The following DNAH10 variants were observed in gnomAD, a reference collection of about 807,000 sequenced individuals.
DNAH10 encodes the protein dynein axonemal heavy chain 10.
A neutral mutation model predicts 506.6 loss-of-function variants in DNAH10; 348 were observed. The observed-to-expected ratio is 0.69, with a 90% CI of 0.63 to 0.75. DNAH10 has a LOEUF of 0.75. Among genes scored for constraint, DNAH10 ranks in the 30% least tolerant of loss-of-function variants. DNAH10 has a pLI of 0.00. For synonymous variants in DNAH10, 2,059 were observed against 2,198.6 expected (o/e 0.94, Z 1.78); for missense variants, 5,179 against 5,787.1 (o/e 0.89, Z 3.41).
At position 123,898,884 on chromosome 12, in the gene DNAH10, G is replaced by GGCCA. The variant is rs1166253359; in HGVS notation, c.9640+72_9640+75dup. 21 of 1,490,446 alleles carry GGCCA rather than the reference G, an allele frequency of 1.4e-5. No homozygotes were observed. In the East Asian group the frequency reaches 1.5e-4, roughly 10 times the overall value. The allele number at this position is 1,490,446 out of a possible 1,614,324, so 92.3% of individuals were successfully genotyped here. A position where few individuals can be genotyped will look rare whatever the true frequency, so the allele number is the denominator to read the frequency against. On this transcript the variant is annotated intron_variant, in intron 56 of 78. Transcript: ENST00000673944. ...ACCCACCGTAGGTGAGTGAGGGCGG[G>GGCCA]GCCAGGGCAGCCCATCCCGAGCAGG...
rs2137649190 is a variant in DNAH10 at position 123,926,549 on chromosome 12, CGGA to C, written c.11922-82_11922-80del. On this transcript the variant is annotated intron_variant, in intron 68 of 78. Transcript: ENST00000673944. The surrounding 1 kb of genome is among the most constrained non-coding windows in gnomAD (Gnocchi z 4.1). ...GGAGTGGTCAGAAGGTTCTGGACAC[CGGA>C]GGAGGCAGCGCTGATCAGACAGACC... The C allele has an allele frequency of 7.1e-7, 1 of 1,411,724 alleles. No homozygotes were observed. Among genetic ancestry groups the C allele is most frequent in the Non-Finnish European group, 9.6e-7 (1 of 1,043,486 alleles). The allele number at this position is 1,411,724 out of a possible 1,614,324, so 87.4% of individuals were successfully genotyped here.
chr12:123,820,588 CT>C lies in DNAH10; in HGVS notation c.4013del (p.Leu1338Ter). ...VGDDLDKGVE[L>X]LGVYERELAR... ...GTGTATTTATTTACTAGGAGTAGAG[CT>C]TTTAGGTGTTTATGAAAGAGAGCTG... On this transcript the variant is annotated frameshift_variant, in exon 24 of 79. Coordinates refer to ENST00000673944, the MANE Select transcript of DNAH10 (RefSeq NM_001372106.1). LOFTEE classifies it high-confidence loss of function. 5 of 1,613,638 alleles carry C rather than the reference CT, an allele frequency of 3.1e-6. No individual in the cohort carries two copies. The highest frequency in any genetic ancestry group is 4.2e-6 in the Non-Finnish European group (5 of 1,179,824).
chr12:123,928,851 T>G lies in DNAH10; in HGVS notation c.12306+264T>G. 2.1e-6 allele frequency: 1 copy of G among 482,642 alleles called. No homozygotes were observed. The allele number at this position is 482,642 out of a possible 1,614,324, so 29.9% of individuals were successfully genotyped here. ...ATATCTACGCTACTTTTCATAAACT[T>G]CACGGCCCCCCCCCCCACACACAGC... On this transcript the variant is annotated intron_variant, in intron 70 of 78. Coordinates refer to ENST00000673944, the MANE Select transcript of DNAH10 (RefSeq NM_001372106.1). The surrounding 1 kb of genome is among the most constrained non-coding windows in gnomAD (Gnocchi z 4.9).
chr12:123,829,411 G>T (rs1034663476), intron 25 of DNAH10, among the ~76,000 whole-genome samples: 1 of 152,196 alleles, frequency 6.6e-6, no homozygotes, highest in African/African-American at 2.4e-5. Flanking sequence ...CTGGACAGAG[G>T]AGTTGGTTCA....
chr12:123,861,475 G>A (rs961941526), intron 39 of DNAH10, among the ~76,000 whole-genome samples: 3 of 152,246 alleles, frequency 2.0e-5, no homozygotes, highest in African/African-American at 7.2e-5. Context: ...GCCCTGATCT[G>A]TGTGACTCTA....
rs775480702 is a variant in DNAH10, at chr12:123,813,255, A to T, written c.3236A>T (p.Asp1079Val). The T allele has an allele frequency of 9.9e-6, 16 of 1,614,086 alleles. No individual in the cohort carries two copies. Among genetic ancestry groups the T allele is most frequent in the South Asian group, 2.2e-5 (2 of 91,088 alleles). Reference sequence around the variant, plus strand: ...GTTGTTATAATAAACTTTTACAATGATATCTCTCTGAACCCTCAGATAATT... The same window carrying T: ...GTTGTTATAATAAACTTTTACAATGTTATCTCTCTGAACCCTCAGATAATT... The part of the protein sequence containing the change: ...EEVVIINFYN[D>V]ISLNPQIIEQ... Residue 1079 changes from aspartate (D) to valine (V), a missense_variant, in exon 20 of 79, where the codon GAT becomes GTT. Asp to Val is a radical substitution (Grantham distance 152). Coordinates refer to ENST00000673944, the MANE Select transcript of DNAH10 (RefSeq NM_001372106.1).
At chr12:123,924,472 A>G in intron 67 of DNAH10, 40 bp downstream of exon 67, 1 of 1,599,420 alleles carries the variant, frequency 6.3e-7, no homozygotes. Context: ...CCTTCCCCAC[A>G]TGTCAACAAT....
At chr12:123,847,179 C>T (rs1034063994) in intron 32 of DNAH10, among the ~76,000 whole-genome samples, 3 of 145,326 alleles carry the variant, frequency 2.1e-5, no homozygotes, top group African/African-American at 8.3e-5. Flanking sequence ...TCCATCCATC[C>T]ATCCATCCAT....
intron 45 of DNAH10, 93 bp downstream of exon 45, chr12:123,871,695 T>G: frequency 1.4e-6 from 2 of 1,424,852 alleles, no homozygotes; most frequent in Non-Finnish European, 1.9e-6. Flanking sequence ...GATCTCACAG[T>G]TTCCGTGGGT....
chr12:123,863,469 C>T (rs565511473), intron 39 of DNAH10, among the ~76,000 whole-genome samples: 40 of 152,326 alleles, frequency 2.6e-4, no homozygotes, highest in African/African-American at 9.6e-4. Context: ...TCTCATAGTT[C>T]TGGAGGCCAA....
intron 35 of DNAH10, among the ~76,000 whole-genome samples, chr12:123,852,426 A>T (rs548769708): frequency 6.6e-5 from 10 of 152,280 alleles, no homozygotes; most frequent in African/African-American, 2.4e-4. Context: ...CTTGGTGCCT[A>T]TTACCGTGTC....
chr12:123,835,874 A>G (rs1225181222), intron 28 of DNAH10, among the ~76,000 whole-genome samples: 1 of 152,076 alleles, frequency 6.6e-6, no homozygotes, highest in Non-Finnish European at 1.5e-5. Flanking sequence ...ACTCTCCCAC[A>G]TTGGCCTCCC....
At chr12:123,862,743 G>C (rs1352494823) in intron 39 of DNAH10, among the ~76,000 whole-genome samples, 2 of 152,096 alleles carry the variant, frequency 1.3e-5, no homozygotes, top group African/African-American at 2.4e-5. Context: ...GGGACAACTG[G>C]TGAAATTTGA....
chr12:123,824,796 T>TTATACGGACA (rs780933493), intron 24 of DNAH10, among the ~76,000 whole-genome samples: 40 of 152,246 alleles, frequency 2.6e-4, no homozygotes, highest in Non-Finnish European at 5.4e-4. Context: ...TTTTCTCTTC[T>TTATACGGACA]TATACGGACA....
In DNAH10 at chr12:123,935,335, A is replaced by G; in HGVS notation, c.13624A>G (p.Asn4542Asp). 1 of 1,598,824 alleles carries G rather than the reference A, an allele frequency of 6.3e-7. No homozygotes were observed. The change falls in exon 79 of 79, where the codon AAT becomes GAT. Residue 4542 changes from asparagine to aspartate, a missense_variant and splice_region_variant. This residue lies in a region of DNAH10 where 4,844 missense variants were observed against 5,430.5 expected (regional missense o/e 0.89). Transcript: ENST00000673944. ...CATCTCACCTGCCTTTCCCTTGCAG[A>G]ATACTTTCCGGACCCCCGTCTACAC... is the stretch of plus-strand genomic sequence containing the variant. The part of the protein sequence containing the change: ...PIEAHRLKLQ[N>D]TFRTPVYTTS...
At chr12:123,775,429 A>C (rs1196432776) in intron 5 of DNAH10, among the ~76,000 whole-genome samples, 1 of 152,198 alleles carries the variant, frequency 6.6e-6, no homozygotes, top group Admixed American at 6.5e-5. Context: ...AGACCAAAAA[A>C]ATGAAAAACT....
In DNAH10 at chr12:123,917,063, C is replaced by G. The variant is rs990698414; in HGVS notation, c.11002+327C>G. ...TGTTGTGATGTTGAATTTTTTTTTT[C>G]TTCCTCTCAGTTGAATTCTGATAGA... On this transcript the variant is annotated intron_variant, in intron 63 of 78. Transcript: ENST00000673944. The surrounding 1 kb of genome is among the most constrained non-coding windows in gnomAD (Gnocchi z 5.6). Among the ~76,000 whole-genome samples, 1 of 151,482 alleles carries G rather than the reference C, an allele frequency of 6.6e-6. No individual in the cohort carries two copies. The highest frequency in any genetic ancestry group is 2.4e-5 in the African/African-American group (1 of 41,268).
At chr12:123,765,060 G>A (rs902073635) in intron 1 of DNAH10, among the ~76,000 whole-genome samples, 8 of 151,946 alleles carry the variant, frequency 5.3e-5, no homozygotes, top group East Asian at 1.9e-4. Context: ...AGAGCCCAGC[G>A]TGTCCTTTGT....
At chr12:123,808,999 A>G (rs1958823604) in intron 19 of DNAH10, 46 bp downstream of exon 19, 13 of 1,606,696 alleles carry the variant, frequency 8.1e-6, no homozygotes, top group Non-Finnish European at 1.0e-5. Context: ...GCATCTCAGG[A>G]TGCCTCCGCC....
Sources: allele counts gnomAD v4.1 joint callset (sites outside exome capture counted in the v4.1 genomes callset), GRCh38; gene constraint gnomAD v4.1.1; regional missense constraint gnomAD v4.1.1; non-coding constraint Gnocchi (gnomAD v3.1); transcripts MANE v1.5; gene names NCBI Gene and HGNC (gene_info 2026-07-23, HGNC 2026-07-21).